The following ARHGAP15 variants were observed in gnomAD, a reference collection of about 807,000 sequenced individuals.
ARHGAP15 encodes the protein rho GTPase-activating protein 15.
ARHGAP15 carries 51 observed loss-of-function variants against 63.7 expected under a neutral mutation model. That is an observed-to-expected ratio of 0.80 (90% CI 0.64 to 1.01). The LOEUF (loss-of-function observed/expected upper bound fraction) is 1.01. Among genes scored for constraint, ARHGAP15 ranks in the 50% least tolerant of loss-of-function variants. ARHGAP15 has a pLI of 0.00. For synonymous variants in ARHGAP15, 191 were observed against 193.8 expected, an observed-to-expected ratio of 0.99 and a Z score of 0.12; for missense variants, 560 against 564.6, an observed-to-expected ratio of 0.99 and a Z score of 0.08.
intron 2 of ARHGAP15, among the ~76,000 whole-genome samples, chr2:143,163,792 G>T (rs569907201): frequency 1.3e-5 from 2 of 152,190 alleles, no homozygotes; most frequent in South Asian, 4.1e-4. Flanking sequence ...TGGAGGAGGC[G>T]ATATAAGTGG....
At chr2:143,747,085 T>G (rs369628484) in intron 13 of ARHGAP15, among the ~76,000 whole-genome samples, 8 of 151,516 alleles carry the variant, frequency 5.3e-5, no homozygotes, top group East Asian at 1.9e-4. Flanking sequence ...TGTCAGGGGG[T>G]GGGGAGAAAG....
chr2:143,390,078 G>A (rs1375333336), intron 6 of ARHGAP15, among the ~76,000 whole-genome samples: 1 of 150,242 alleles, frequency 6.7e-6, no homozygotes, highest in Non-Finnish European at 1.5e-5. Context: ...GCTTGTTGAA[G>A]ATTGAATATT....
At chr2:143,584,803 C>A (rs886970676) in intron 11 of ARHGAP15, among the ~76,000 whole-genome samples, 3 of 152,116 alleles carry the variant, frequency 2.0e-5, no homozygotes, top group South Asian at 2.1e-4. Flanking sequence ...CATAATACAT[C>A]TTTTATTCTC....
intron 11 of ARHGAP15, among the ~76,000 whole-genome samples, chr2:143,623,344 G>A (rs1698714859): frequency 6.6e-6 from 1 of 152,054 alleles, no homozygotes; most frequent in Non-Finnish European, 1.5e-5. Flanking sequence ...ACTTTCTTTA[G>A]TATTTCAACA....
chr2:143,694,007 A>T (rs1174203372), intron 12 of ARHGAP15, among the ~76,000 whole-genome samples: 2 of 152,116 alleles, frequency 1.3e-5, no homozygotes, highest in Non-Finnish European at 2.9e-5. Flanking sequence ...GAGAATAATT[A>T]TTTTTTTTAA....
chr2:143,503,062 ACT>A (rs1347118472), intron 9 of ARHGAP15, among the ~76,000 whole-genome samples: 5 of 152,180 alleles, frequency 3.3e-5, no homozygotes, highest in Admixed American at 6.5e-5. Context: ...GTCTAGGAAG[ACT>A]CTGCTGGGGA....
intron 11 of ARHGAP15, among the ~76,000 whole-genome samples, chr2:143,601,816 G>T (rs2105193479): frequency 6.6e-6 from 1 of 152,222 alleles, no homozygotes; most frequent in Non-Finnish European, 1.5e-5. Flanking sequence ...CTTTGGGAAT[G>T]ATTTGTTAAT....
intron 1 of ARHGAP15, among the ~76,000 whole-genome samples, chr2:143,130,144 G>A (rs919510997): frequency 1.3e-5 from 2 of 152,014 alleles, no homozygotes; most frequent in African/African-American, 4.8e-5. Flanking sequence ...TACTCTGAGA[G>A]GAGAGGCAAA....
chr2:143,635,320 T>G (rs1680258483), intron 12 of ARHGAP15, among the ~76,000 whole-genome samples: 1 of 149,324 alleles, frequency 6.7e-6, no homozygotes. Flanking sequence ...CCGAAAGTGC[T>G]GAGACTACAA....
intron 8 of ARHGAP15, among the ~76,000 whole-genome samples, chr2:143,455,597 TA>T (rs1281182007): frequency 3.3e-5 from 5 of 152,144 alleles, no homozygotes; most frequent in Non-Finnish European, 7.4e-5. Flanking sequence ...TCCCATTCTC[TA>T]ACAAGTTGAT....
At chr2:143,439,648 G>A (rs1689791194) in intron 8 of ARHGAP15, among the ~76,000 whole-genome samples, 1 of 151,610 alleles carries the variant, frequency 6.6e-6, no homozygotes, top group African/African-American at 2.4e-5. Context: ...GATACTATTA[G>A]TTACCTTATT....
chr2:143,133,478 C>A (rs923362705), intron 1 of ARHGAP15, among the ~76,000 whole-genome samples: 1 of 152,140 alleles, frequency 6.6e-6, no homozygotes, highest in Non-Finnish European at 1.5e-5. Context: ...TTTGTTTCTT[C>A]CATTTATCTC....
At chr2:143,559,249 A>G (rs894230946) in intron 11 of ARHGAP15, among the ~76,000 whole-genome samples, 19 of 152,212 alleles carry the variant, frequency 1.2e-4, no homozygotes, top group Non-Finnish European at 2.5e-4. Flanking sequence ...TATGCTCAGC[A>G]GTTTGAAAAG....
chr2:143,382,766 G>A (rs963553607), intron 6 of ARHGAP15, among the ~76,000 whole-genome samples: 3 of 152,096 alleles, frequency 2.0e-5, no homozygotes, highest in African/African-American at 4.8e-5. Context: ...TGCCATCGCC[G>A]GCTGCTGTCT....
intron 8 of ARHGAP15, among the ~76,000 whole-genome samples, chr2:143,470,285 G>C (rs1691454510): frequency 6.8e-6 from 1 of 147,862 alleles, no homozygotes; most frequent in African/African-American, 2.5e-5. Flanking sequence ...AGGTGTTCAA[G>C]GTTTTGGAAA....
At chr2:143,162,955 AT>A (rs1203525883) in intron 2 of ARHGAP15, among the ~76,000 whole-genome samples, 1 of 152,080 alleles carries the variant, frequency 6.6e-6, no homozygotes, top group Non-Finnish European at 1.5e-5. Flanking sequence ...TTACCATTTA[AT>A]TTACATTTAT....
intron 6 of ARHGAP15, among the ~76,000 whole-genome samples, chr2:143,319,378 C>G (rs1683890388): frequency 6.6e-6 from 1 of 152,014 alleles, no homozygotes; most frequent in Admixed American, 6.6e-5. Context: ...GCGCGCATCA[C>G]CATGCCTGGC....
chr2:143,638,068 T>C (rs1017471545), intron 12 of ARHGAP15, among the ~76,000 whole-genome samples: 23 of 144,490 alleles, frequency 1.6e-4, no homozygotes, highest in Admixed American at 4.2e-4. Context: ...GTAAACTAGT[T>C]CAACCATTGT....
Position 143,221,289 on chromosome 2 carries a change from G to A in ARHGAP15, c.296+4844G>A, listed in dbSNP as rs764278777. On this transcript the variant is annotated intron_variant, in intron 4 of 13. Coordinates refer to ENST00000295095, the MANE Select transcript of ARHGAP15 (RefSeq NM_018460.4). ...TAATGTATTTTCTCTTTCTCTCAAA[G>A]AAAATTTAACTTATCTCTGAATATA... 3.0e-4 allele frequency among the ~76,000 whole-genome samples: 46 copies of A among 151,670 alleles called. No individual in the cohort carries two copies. The Middle Eastern group carries it at 0.014, about 45-fold the overall frequency.
Sources: allele counts gnomAD v4.1 joint callset (sites outside exome capture counted in the v4.1 genomes callset), GRCh38; gene constraint gnomAD v4.1.1; transcripts MANE v1.5; gene names NCBI Gene and HGNC (gene_info 2026-07-23, HGNC 2026-07-21).